Variants in TMEM50B observed in about 807,000 individuals in gnomAD.
TMEM50B encodes transmembrane protein 50B.
Under a neutral mutation model 23.4 loss-of-function variants are expected in TMEM50B, and 14 were observed. The observed-to-expected ratio is 0.60, with a 90% CI of 0.39 to 0.93. The LOEUF is 0.93. TMEM50B is among the 40% of genes least tolerant of loss of function. The pLI is 0.00. For synonymous variants in TMEM50B, 64 were observed against 62.3 expected (o/e 1.03, Z -0.13); for missense variants, 159 against 193.0 (o/e 0.82, Z 1.04).
rs2084105616 is a variant in TMEM50B, at chr21:33,450,215, TGA to T, written c.*601_*602del. Reference sequence around the variant, plus strand: ...TACTGAGAGTGGTCCTTCTTTTTTTTGAGAGGGAGTTTCACTTTCTCCCCCAG... The same window carrying T: ...TACTGAGAGTGGTCCTTCTTTTTTTTGAGGGAGTTTCACTTTCTCCCCCAG... On this transcript the variant is annotated 3_prime_UTR_variant, in exon 7 of 7. Coordinates refer to ENST00000542230, the MANE Select transcript of TMEM50B (RefSeq NM_006134.7). The T allele has an allele frequency of 6.6e-6, 1 of 151,926 alleles. No homozygotes were observed. The highest frequency in any genetic ancestry group is 1.5e-5 in the Non-Finnish European group (1 of 68,026). The allele number at this position is 151,926 out of a possible 1,614,324, so 9.4% of individuals were successfully genotyped here.
intron 4 of TMEM50B, among the ~76,000 whole-genome samples, chr21:33,462,937 C>T (rs755377093): frequency 6.6e-6 from 1 of 152,218 alleles, no homozygotes; most frequent in Non-Finnish European, 1.5e-5. Context: ...TATACCCTCT[C>T]GCAAATTCTC....
At chr21:33,463,843 A>C (rs1004974086) in intron 4 of TMEM50B, among the ~76,000 whole-genome samples, 11 of 152,198 alleles carry the variant, frequency 7.2e-5, no homozygotes, top group Non-Finnish European at 1.5e-4. Flanking sequence ...ACTCGAGCCC[A>C]GGCTGTTGAG....
chr21:33,465,449 G>A (rs200232207), intron 3 of TMEM50B, 40 bp from the exon 4 acceptor site: 15 of 1,508,194 alleles, frequency 9.9e-6, no homozygotes, highest in Admixed American at 1.8e-5. Context: ...TTCAGTATTC[G>A]CTGTTAAAAT....
chr21:33,472,131 C>T (rs1234662529), intron 1 of TMEM50B, among the ~76,000 whole-genome samples: 1 of 151,656 alleles, frequency 6.6e-6, no homozygotes, highest in Non-Finnish European at 1.5e-5. Context: ...CACATGTAAT[C>T]CCAGCACTTT....
chr21:33,438,164 G>A (rs1318018917), intron 8 of TMEM50B, among the ~76,000 whole-genome samples: 15 of 152,092 alleles, frequency 9.9e-5, no homozygotes, highest in Admixed American at 7.9e-4. Context: ...CACACCCGTA[G>A]TCCCAGCTAC....
chr21:33,465,587 AT>A (rs1473361337), intron 3 of TMEM50B, among the ~76,000 whole-genome samples, 178 bp from the exon 4 acceptor site: 2 of 152,326 alleles, frequency 1.3e-5, no homozygotes, highest in East Asian at 3.9e-4. Flanking sequence ...CATTAGTCTT[AT>A]TTTCATAAAG....
At position 33,479,964 on chromosome 21, in the gene TMEM50B, G is replaced by C. The variant is rs951377925; in HGVS notation, c.-168C>G. On this transcript the variant is annotated 5_prime_UTR_variant, in exon 1 of 7. Transcript: ENST00000542230. ...GGAGCCCGGAGCTGGGAGCAGACGCGAGGATAGAGCGCCGGTGAGGCGGGG... is the reference window on the plus strand; with the variant it reads ...GGAGCCCGGAGCTGGGAGCAGACGCCAGGATAGAGCGCCGGTGAGGCGGGG... 4 of 152,218 alleles carry C rather than the reference G, an allele frequency of 2.6e-5. No individual in the cohort carries two copies. Among genetic ancestry groups the C allele is most frequent in the Non-Finnish European group, 4.4e-5 (3 of 68,058 alleles). The allele number at this position is 152,218 out of a possible 1,614,324, so 9.4% of individuals were successfully genotyped here. A position where few individuals can be genotyped will look rare whatever the true frequency, so the allele number is the denominator to read the frequency against.
chr21:33,475,867 T>C (rs2084365127), intron 1 of TMEM50B, among the ~76,000 whole-genome samples: 1 of 151,812 alleles, frequency 6.6e-6, no homozygotes, highest in Non-Finnish European at 1.5e-5. Flanking sequence ...GGCAGGAGAA[T>C]CACTTAAACC....
At position 33,449,471 on chromosome 21, in the gene TMEM50B, A is replaced by T. The variant is rs2084097295; in HGVS notation, c.*1347T>A. ...AAAAGTGCAACACAAAATCTGTGTA[A>T]CAAAGGAAAGCAAAAGTAGCAATAA... On this transcript the variant is annotated 3_prime_UTR_variant, in exon 7 of 7. Coordinates refer to ENST00000542230, the MANE Select transcript of TMEM50B (RefSeq NM_006134.7). 1 of 152,676 alleles carries T rather than the reference A, an allele frequency of 6.5e-6. No homozygotes were observed. The highest frequency in any genetic ancestry group is 1.5e-5 in the Non-Finnish European group (1 of 68,064). 9.5% of individuals were successfully genotyped at this position (152,676 alleles called of 1,614,324 possible).
chr21:33,470,354 G>A (rs1236717523), intron 1 of TMEM50B, among the ~76,000 whole-genome samples: 1 of 147,276 alleles, frequency 6.8e-6, no homozygotes, highest in Admixed American at 7.0e-5. Context: ...GAACCCGGGA[G>A]GCGAAGGTTG....
intron 1 of TMEM50B, chr21:33,469,794 A>T (rs1012848213): frequency 2.6e-5 from 4 of 152,248 alleles, no homozygotes; most frequent in African/African-American, 9.6e-5. Context: ...GGTAACTGCT[A>T]TCCAGCTATA....
At chr21:33,470,947 C>T (rs982119630) in intron 1 of TMEM50B, among the ~76,000 whole-genome samples, 1 of 152,028 alleles carries the variant, frequency 6.6e-6, no homozygotes, top group Non-Finnish European at 1.5e-5. Flanking sequence ...CCTTAGGAAC[C>T]CCATTAAACT....
intron 6 of TMEM50B, among the ~76,000 whole-genome samples, chr21:33,455,284 C>T (rs1030939812): frequency 5.3e-5 from 8 of 152,132 alleles, no homozygotes; most frequent in Non-Finnish European, 7.4e-5. Context: ...TCAACCTCCT[C>T]GGCTCAAGCA....
intron 4 of TMEM50B, among the ~76,000 whole-genome samples, chr21:33,463,235 T>C (rs1242968914): frequency 2.6e-5 from 4 of 152,128 alleles, no homozygotes; most frequent in Non-Finnish European, 4.4e-5. Context: ...GAGGATGCAA[T>C]GAGCTGAGAT....
chr21:33,436,885 A>G, intron 8 of TMEM50B: 1 of 1,614,010 alleles, frequency 6.2e-7, no homozygotes, highest in Non-Finnish European at 8.5e-7. Context: ...CAGCTCACCA[A>G]AGGATGACGT....
At chr21:33,471,725 T>C (rs114668607) in intron 1 of TMEM50B, among the ~76,000 whole-genome samples, 61 of 152,054 alleles carry the variant, frequency 4.0e-4, no homozygotes, top group African/African-American at 1.5e-3. Context: ...TAAATTAAAA[T>C]GTAAAAAGAT....
chr21:33,455,676 T>G (rs998714106), intron 6 of TMEM50B, 51 bp downstream of exon 6: 6 of 1,448,412 alleles, frequency 4.1e-6, no homozygotes, highest in Non-Finnish European at 5.8e-6. Context: ...CTTAATTAAG[T>G]TGACATTTCT....
intron 1 of TMEM50B, among the ~76,000 whole-genome samples, chr21:33,478,264 C>T (rs183756444): frequency 6.6e-6 from 1 of 151,882 alleles, no homozygotes; most frequent in Non-Finnish European, 1.5e-5. Flanking sequence ...GTCAGGAGTT[C>T]AAGACCAGCC....
At chr21:33,479,028 C>T in intron 1 of TMEM50B, 1 of 336,056 alleles carries the variant, frequency 3.0e-6, no homozygotes, top group Non-Finnish European at 5.9e-6. Context: ...CCTCCGCACC[C>T]CCCGACCCAG....
Sources: gnomAD v4.1 joint callset for allele counts (sites outside exome capture counted in the v4.1 genomes callset) on GRCh38, gnomAD v4.1.1 for gene constraint, MANE v1.5 for transcripts, NCBI Gene and HGNC (gene_info 2026-07-23, HGNC 2026-07-21) for gene names.